Variants in CNTNAP2 observed in about 807,000 individuals in gnomAD.
CNTNAP2 encodes the protein contactin associated protein 2, also known as contactin-associated protein-like 2.
In CNTNAP2, 98 loss-of-function variants were observed where a neutral mutation model predicts 155.2. The observed-to-expected ratio is 0.63, with a 90% CI of 0.54 to 0.75. CNTNAP2 has a LOEUF of 0.75. CNTNAP2 is among the 30% of genes least tolerant of loss of function. CNTNAP2 has a pLI of 0.00. For missense variants in CNTNAP2, 1,727 were observed against 1,688.1 expected, an observed-to-expected ratio of 1.02 and a Z score of -0.40; for synonymous variants, 651 against 631.2, an observed-to-expected ratio of 1.03 and a Z score of -0.47.
intron 3 of CNTNAP2, among the ~76,000 whole-genome samples, chr7:146,930,405 A>C (rs1000531804): frequency 4.5e-4 from 68 of 152,114 alleles, no homozygotes; most frequent in African/African-American, 1.6e-3. Context: ...TTTTGTCACC[A>C]CCAGGCCTGC....
At chr7:147,817,727 C>A (rs193203931) in intron 13 of CNTNAP2, among the ~76,000 whole-genome samples, 1,718 of 151,850 alleles carry the variant, frequency 0.011, 22 homozygotes, top group African/African-American at 0.039. Flanking sequence ...CATGGTGAAA[C>A]CCTGTCTCCA....
chr7:148,057,631 T>C (rs1803045960), intron 15 of CNTNAP2, among the ~76,000 whole-genome samples: 1 of 152,206 alleles, frequency 6.6e-6, no homozygotes. Flanking sequence ...GAATTGTGAA[T>C]AATAGAGAAG....
intron 15 of CNTNAP2, among the ~76,000 whole-genome samples, chr7:148,116,270 T>A (rs1184392137): frequency 2.0e-5 from 3 of 152,138 alleles, no homozygotes. Flanking sequence ...CCTGCGACAG[T>A]AATTAATAGG....
rs184043319 is a variant in CNTNAP2 at position 147,832,720 on chromosome 7, A to G, written c.2099-70845A>G. ...ATATATTTCAAGATATTGTTTTTAT[A>G]TTTTTAAATAAATATTTTATAATTT... is the stretch of plus-strand genomic sequence containing the variant. On this transcript the variant is annotated intron_variant, in intron 13 of 23. Transcript: ENST00000361727. Among the ~76,000 whole-genome samples, 941 of 146,616 alleles carry G rather than the reference A, an allele frequency of 6.4e-3. 13 individuals carry two copies. The highest frequency in any genetic ancestry group is 0.022 in the African/African-American group (912 of 40,664).
intron 13 of CNTNAP2, among the ~76,000 whole-genome samples, chr7:147,717,621 G>T (rs1182643195): frequency 6.6e-6 from 1 of 152,108 alleles, no homozygotes; most frequent in Non-Finnish European, 1.5e-5. Context: ...TCAAATCACA[G>T]AATATTTATC....
intron 1 of CNTNAP2, among the ~76,000 whole-genome samples, chr7:146,665,529 C>A (rs1204075465): frequency 6.6e-6 from 1 of 151,490 alleles, no homozygotes; most frequent in Non-Finnish European, 1.5e-5. Context: ...TGCCTGTAAT[C>A]CCAGCACTTT....
intron 15 of CNTNAP2, among the ~76,000 whole-genome samples, chr7:148,038,548 G>C (rs1802610945): frequency 6.6e-6 from 1 of 152,064 alleles, no homozygotes; most frequent in Non-Finnish European, 1.5e-5. Flanking sequence ...TTCTGTTTCT[G>C]TTTCCCTCCC....
At chr7:148,350,682 C>T (rs1798411384) in intron 21 of CNTNAP2, among the ~76,000 whole-genome samples, 1 of 152,164 alleles carries the variant, frequency 6.6e-6, no homozygotes, top group African/African-American at 2.4e-5. Context: ...GGCAACAGAT[C>T]GAGTTTATTT....
rs185400227 is a variant in CNTNAP2 at position 147,851,676 on chromosome 7, C to T, written c.2099-51889C>T. 4.2e-3 allele frequency among the ~76,000 whole-genome samples: 634 copies of T among 150,294 alleles called. 16 individuals are homozygous for T. The highest frequency in any genetic ancestry group is 0.035 in the Admixed American group (522 of 14,950). On this transcript the variant is annotated intron_variant, in intron 13 of 23. Coordinates refer to ENST00000361727, the MANE Select transcript of CNTNAP2 (RefSeq NM_014141.6). ...ATCACAAGGACAGAAAACCAAACAC[C>T]ACGTGTTCTCACTCATAGGCGGGAA...
chr7:146,920,717 C>T (rs1450349081), intron 3 of CNTNAP2, among the ~76,000 whole-genome samples: 1 of 152,098 alleles, frequency 6.6e-6, no homozygotes, highest in Non-Finnish European at 1.5e-5. Flanking sequence ...GAATGTTGAA[C>T]TGTCCACTAT....
chr7:146,380,451 G>A (rs1436912672), intron 1 of CNTNAP2, among the ~76,000 whole-genome samples: 1 of 151,992 alleles, frequency 6.6e-6, no homozygotes, highest in Non-Finnish European at 1.5e-5. Flanking sequence ...GAAAAGAGAA[G>A]AACAAAATTA....
intron 8 of CNTNAP2, among the ~76,000 whole-genome samples, chr7:147,138,049 C>T (rs1801523061): frequency 6.6e-6 from 1 of 151,856 alleles, no homozygotes; most frequent in Admixed American, 6.6e-5. Flanking sequence ...AATCTACATA[C>T]ACCATACTTT....
At chr7:147,392,046 A>G (rs1423261025) in intron 9 of CNTNAP2, among the ~76,000 whole-genome samples, 1 of 152,086 alleles carries the variant, frequency 6.6e-6, no homozygotes, top group African/African-American at 2.4e-5. Flanking sequence ...GTCCTTAGCT[A>G]GATTATACAA....
Position 148,420,318 on chromosome 7 carries a change from A to G in CNTNAP2, c.*4702A>G, listed in dbSNP as rs1800084590. On this transcript the variant is annotated 3_prime_UTR_variant, in exon 24 of 24. Coordinates refer to ENST00000361727, the MANE Select transcript of CNTNAP2 (RefSeq NM_014141.6). ...CGTGTTCATGTAGCCTAGTGGCTAT[A>G]TGCCTATTCTCCATGTACCCTGCAT... is the stretch of plus-strand genomic sequence containing the variant. The G allele has an allele frequency of 6.6e-6, 1 of 152,222 alleles. No homozygotes were observed. The allele number at this position is 152,222 out of a possible 1,614,324, so 9.4% of individuals were successfully genotyped here.
At chr7:147,251,841 T>C (rs931655352) in intron 8 of CNTNAP2, among the ~76,000 whole-genome samples, 50 of 152,334 alleles carry the variant, frequency 3.3e-4, no homozygotes, top group African/African-American at 1.1e-3. Flanking sequence ...TTTAAAGTTA[T>C]CTTTGAGTCT....
intron 3 of CNTNAP2, among the ~76,000 whole-genome samples, chr7:147,030,750 G>T (rs1799015304): frequency 6.6e-6 from 1 of 152,136 alleles, no homozygotes; most frequent in Admixed American, 6.5e-5. Context: ...CAGGCATGAT[G>T]ATTCATGTCT....
intron 1 of CNTNAP2, among the ~76,000 whole-genome samples, chr7:146,673,009 T>G (rs1800335618): frequency 6.6e-6 from 1 of 152,172 alleles, no homozygotes; most frequent in African/African-American, 2.4e-5. Context: ...ATTTTTTTTC[T>G]TATCAAAATT....
chr7:146,695,753 A>G (rs1160628996), intron 1 of CNTNAP2, among the ~76,000 whole-genome samples: 3 of 152,140 alleles, frequency 2.0e-5, no homozygotes, highest in African/African-American at 2.4e-5. Context: ...ACAAATAAGC[A>G]TATATTTAGC....
At chr7:148,074,173 G>T (rs916556949) in intron 15 of CNTNAP2, among the ~76,000 whole-genome samples, 2 of 152,188 alleles carry the variant, frequency 1.3e-5, no homozygotes, top group Non-Finnish European at 2.9e-5. Context: ...TGGCGTTAGA[G>T]TGCTTATGCT....
Sources: gnomAD v4.1 joint callset for allele counts (sites outside exome capture counted in the v4.1 genomes callset) on GRCh38, gnomAD v4.1.1 for gene constraint, MANE v1.5 for transcripts, NCBI Gene and HGNC (gene_info 2026-07-23, HGNC 2026-07-21) for gene names.